EIF3A: variants seen among roughly 807,000 people sequenced by gnomAD.
EIF3A encodes EIF3, p180 subunit.
Under a neutral mutation model 186.6 loss-of-function variants are expected in EIF3A, and 21 were observed. The observed-to-expected ratio is 0.11, with a 90% CI of 0.08 to 0.16. EIF3A has a LOEUF of 0.16. Ranked by LOEUF, EIF3A falls within the 10% of genes least tolerant of loss-of-function variation. EIF3A has a pLI of 1.00. For synonymous variants in EIF3A, 563 were observed against 584.3 expected (o/e 0.96, Z 0.52); for missense variants, 1,306 against 1,796.3 (o/e 0.73, Z 4.93).
intron 9 of EIF3A, chr10:119,060,009 ATT>A (rs746974662): frequency 1.9e-6 from 1 of 515,246 alleles, no homozygotes; most frequent in Non-Finnish European, 3.7e-6. Context: ...TTCTTATAGA[ATT>A]TTTGTCTGAA....
At chr10:119,069,745 CAT>C in intron 5 of EIF3A, 91 bp from the exon 6 acceptor site, 1 of 705,760 alleles carries the variant, frequency 1.4e-6, no homozygotes, top group Non-Finnish European at 2.5e-6. Flanking sequence ...ACACAGAAAA[CAT>C]AAAAATAGCA....
Position 119,057,962 on chromosome 10 carries a change from A to T in EIF3A, c.1971T>A (p.Asp657Glu). Residue 657 changes from aspartate to glutamate, a missense_variant, in exon 12 of 22, where the codon GAT becomes GAA. Physicochemically the swap from Asp to Glu is conservative, Grantham distance 45. This residue lies in a region of EIF3A where 94 missense variants were observed against 204.9 expected (regional missense o/e 0.46). Transcript: ENST00000369144. The stretch of plus-strand genomic sequence containing the variant: ...TAACTAAGATGCTACGTACTTCAAT[A>T]TCAATATCTTTGAATGCTTTGGCAC... ...ELGAKAFKDI[D>E]IEDLEELDPD... The T allele has an allele frequency of 6.2e-7, 1 of 1,610,416 alleles. No homozygotes were observed. Among genetic ancestry groups the T allele is most frequent in the Non-Finnish European group, 8.5e-7 (1 of 1,178,428 alleles).
rs539899886 is a variant in EIF3A at position 119,061,425 on chromosome 10, T to C, written c.1123-97A>G. 9.9e-4 allele frequency: 540 copies of C among 545,834 alleles called. 3 individuals are homozygous for C. Among genetic ancestry groups the C allele is most frequent in the Non-Finnish European group, 1.6e-3 (479 of 306,532 alleles). The allele number at this position is 545,834 out of a possible 1,614,324, so 33.8% of individuals were successfully genotyped here. On this transcript the variant is annotated intron_variant, in intron 7 of 21. Coordinates refer to ENST00000369144, the MANE Select transcript of EIF3A (RefSeq NM_003750.4). The stretch of plus-strand genomic sequence containing the variant: ...ATGATAGCATTGGAAATCTGGAAAA[T>C]GATTTAAAAAATCATCAAGCCTCAA...
chr10:119,037,247 C>T lies in EIF3A; in HGVS notation c.3791G>A (p.Arg1264His), dbSNP rs938443375. ...GTCATCCCTATCCCTATCGTCCCGGCGACTTGAGTCTCTCCAGCTTGAAGA... is the reference window on the plus strand; with the variant it reads ...GTCATCCCTATCCCTATCGTCCCGGTGACTTGAGTCTCTCCAGCTTGAAGA... Reference protein sequence around the residue: ...EESSSWRDSSRRDDRDRDDRR... With the variant: ...EESSSWRDSSHRDDRDRDDRR... The change falls in exon 21 of 22, where the codon CGC becomes CAC. Residue 1264 changes from arginine (R) to histidine (H), a missense_variant. Coordinates refer to ENST00000369144, the MANE Select transcript of EIF3A (RefSeq NM_003750.4). 1.9e-6 allele frequency: 3 copies of T among 1,614,008 alleles called. No homozygotes were observed. Among genetic ancestry groups the T allele is most frequent in the Non-Finnish European group, 2.5e-6 (3 of 1,180,024 alleles).
chr10:119,050,048 C>T lies in EIF3A; in HGVS notation c.2474-63G>A. The T allele has an allele frequency of 2.0e-6, 3 of 1,502,596 alleles. No individual in the cohort carries two copies. In the African/African-American group the frequency reaches 4.2e-5, roughly 21 times the overall value. 93.1% of individuals were successfully genotyped at this position (1,502,596 alleles called of 1,614,324 possible). A position where few individuals can be genotyped will look rare whatever the true frequency, so the allele number is the denominator to read the frequency against. ...CCATATCTTCCCCCTAGTGCTAGTTCCACTTTTCTGGTATTAAACAGGTAG... is the reference window on the plus strand; with the variant it reads ...CCATATCTTCCCCCTAGTGCTAGTTTCACTTTTCTGGTATTAAACAGGTAG... On this transcript the variant is annotated intron_variant, in intron 16 of 21. Coordinates refer to ENST00000369144, the MANE Select transcript of EIF3A (RefSeq NM_003750.4).
intron 4 of EIF3A, among the ~76,000 whole-genome samples, chr10:119,071,523 T>C (rs1844070580): frequency 6.6e-6 from 1 of 152,240 alleles, no homozygotes; most frequent in Non-Finnish European, 1.5e-5. Context: ...TAATTTCAAC[T>C]GATTACAGAT....
intron 9 of EIF3A, among the ~76,000 whole-genome samples, chr10:119,060,370 G>A (rs572294102): frequency 4.9e-4 from 75 of 152,108 alleles, no homozygotes; most frequent in African/African-American, 1.6e-3. Context: ...AGTAATAGAA[G>A]TATGCAAAGA....
chr10:119,075,064 C>T (rs1460547044), intron 1 of EIF3A, among the ~76,000 whole-genome samples: 2 of 147,282 alleles, frequency 1.4e-5, no homozygotes, highest in South Asian at 2.2e-4. Context: ...TCACCGCAAC[C>T]GATTCTCCTG....
chr10:119,036,681 TCATAA>T (rs1439049558), intron 21 of EIF3A, among the ~76,000 whole-genome samples: 1 of 152,144 alleles, frequency 6.6e-6, no homozygotes, highest in Non-Finnish European at 1.5e-5. Context: ...AAAAATTCTC[TCATAA>T]CAGGATGTCA....
rs755644750 is a variant in EIF3A at position 119,056,794 on chromosome 10, G to A, written c.2142C>T (p.Tyr714=). ...LEEIPLIKSA[Y]EEQRIKDMDL... ...CCATGTCTTTAATTCTCTGTTCCTCGTAAGCGCTCTTTATCAAAGGAATTT... is the reference window on the plus strand; with the variant it reads ...CCATGTCTTTAATTCTCTGTTCCTCATAAGCGCTCTTTATCAAAGGAATTT... Residue 714 remains tyrosine, a synonymous_variant, in exon 14 of 22, where the codon TAC becomes TAT. Transcript: ENST00000369144. 24 of 1,613,358 alleles carry A rather than the reference G, an allele frequency of 1.5e-5. No individual in the cohort carries two copies. In the Middle Eastern group the frequency reaches 6.6e-4, roughly 44 times the overall value.
At chr10:119,077,406 G>C (rs1844194978) in intron 1 of EIF3A, among the ~76,000 whole-genome samples, 1 of 152,046 alleles carries the variant, frequency 6.6e-6, no homozygotes, top group Non-Finnish European at 1.5e-5. Flanking sequence ...GGCCGAGATA[G>C]TGCCACTGCA....
Position 119,065,847 on chromosome 10 carries a change from T to G in EIF3A, c.951-277A>C, listed in dbSNP as rs1373971432. 5.3e-5 allele frequency among the ~76,000 whole-genome samples: 8 copies of G among 152,346 alleles called. No homozygotes were observed. The South Asian group carries it at 6.2e-4, about 12-fold the overall frequency. ...AAAGATTGTGATTGACCAGGCGCGG[T>G]GGCTCACGCCTGTAATCCCAGCACT... On this transcript the variant is annotated intron_variant, in intron 6 of 21. Coordinates refer to ENST00000369144, the MANE Select transcript of EIF3A (RefSeq NM_003750.4).
At chr10:119,037,060 T>TTC (rs1848138878) in intron 21 of EIF3A, 59 bp downstream of exon 21, 14 of 392,242 alleles carry the variant, frequency 3.6e-5, no homozygotes, top group African/African-American at 1.2e-4. Context: ...ATAACCCAAA[T>TTC]CCCCCCCCCC....
At chr10:119,052,376 G>GTC in intron 14 of EIF3A, among the ~76,000 whole-genome samples, 4 of 148,476 alleles carry the variant, frequency 2.7e-5, no homozygotes, top group African/African-American at 9.9e-5. Flanking sequence ...TTTTGTGTGT[G>GTC]TGTGTGTGTG....
chr10:119,035,936 A>C lies in EIF3A; in HGVS notation c.*103T>G. 1.2e-6 allele frequency: 1 copy of C among 841,228 alleles called. No homozygotes were observed. Among genetic ancestry groups the C allele is most frequent in the South Asian group, 1.6e-5 (1 of 63,468 alleles). 52.1% of individuals were successfully genotyped at this position (841,228 alleles called of 1,614,324 possible). ...ATGCTTTTTGTGTTATGGTGAAACA[A>C]CATTAAAGAATCCAATTTAGATTGG... is the stretch of plus-strand genomic sequence containing the variant. On this transcript the variant is annotated 3_prime_UTR_variant, in exon 22 of 22. Transcript: ENST00000369144.
At chr10:119,050,466 G>C in intron 16 of EIF3A, 55 bp downstream of exon 16, 2 of 1,547,044 alleles carry the variant, frequency 1.3e-6, no homozygotes, top group African/African-American at 1.4e-5. Flanking sequence ...CTAAAAACTA[G>C]ATCTTAACAC....
At chr10:119,040,865 G>A (rs1276875418) in intron 19 of EIF3A, among the ~76,000 whole-genome samples, 1 of 152,126 alleles carries the variant, frequency 6.6e-6, no homozygotes, top group Non-Finnish European at 1.5e-5. Context: ...AATTAGCCAG[G>A]CATAGTGGTA....
At chr10:119,062,743 C>CTTTTTTTTTT (rs372690463) in intron 7 of EIF3A, among the ~76,000 whole-genome samples, 15 of 91,030 alleles carry the variant, frequency 1.6e-4, no homozygotes, top group Non-Finnish European at 2.6e-4. Context: ...AAGAGATCAC[C>CTTTTTTTTTT]TTTTTTTTTT....
intron 4 of EIF3A, among the ~76,000 whole-genome samples, chr10:119,072,024 C>CAAA (rs56100757): frequency 0.4 from 23,802 of 58,918 alleles, 5,527 homozygotes; most frequent in South Asian, 0.51. Context: ...GACTCTGTCT[C>CAAA]AAAAAAAAAA....
Sources: allele counts gnomAD v4.1 joint callset (sites outside exome capture counted in the v4.1 genomes callset), GRCh38; gene constraint gnomAD v4.1.1; regional missense constraint gnomAD v4.1.1; transcripts MANE v1.5; gene names NCBI Gene and HGNC (gene_info 2026-07-23, HGNC 2026-07-21).